MRPS35: variants seen among roughly 807,000 people sequenced by gnomAD.
The protein encoded by MRPS35 is mitochondrial ribosomal protein S35, also known as small ribosomal subunit protein mS35.
MRPS35 carries 29 observed loss-of-function variants against 32.7 expected under a neutral mutation model. The observed-to-expected ratio is 0.89, with a 90% CI of 0.66 to 1.21. The LOEUF is 1.21. Among genes scored for constraint, MRPS35 ranks in the 50% most tolerant of loss-of-function variants. MRPS35 has a pLI of 0.00. For synonymous variants in MRPS35, 148 were observed against 139.3 expected (o/e 1.06, Z -0.44); for missense variants, 373 against 383.8 (o/e 0.97, Z 0.23).
intron 5 of MRPS35, among the ~76,000 whole-genome samples, chr12:27,734,172 C>T (rs192669087): frequency 5.8e-4 from 88 of 151,662 alleles, no homozygotes; most frequent in African/African-American, 1.9e-3. Context: ...ATTCTTAATG[C>T]TCTCCATAGA....
intron 1 of MRPS35, among the ~76,000 whole-genome samples, chr12:27,711,247 C>T (rs949457215): frequency 6.6e-6 from 1 of 152,220 alleles, no homozygotes; most frequent in South Asian, 2.1e-4. Context: ...CAGCCCCTGG[C>T]ACAGGTTACT....
chr12:27,744,662 G>T (rs2061976073), intron 7 of MRPS35, among the ~76,000 whole-genome samples: 1 of 152,144 alleles, frequency 6.6e-6, no homozygotes, highest in Non-Finnish European at 1.5e-5. Context: ...TAAACTTACT[G>T]ATGTTACAGT....
chr12:27,739,307 A>G (rs1203544164), intron 7 of MRPS35, among the ~76,000 whole-genome samples: 2 of 152,226 alleles, frequency 1.3e-5, no homozygotes, highest in Non-Finnish European at 2.9e-5. Flanking sequence ...CAAAAAAAAT[A>G]TACTCCTTGA....
At chr12:27,730,036 T>C (rs2061915703) in intron 5 of MRPS35, among the ~76,000 whole-genome samples, 1 of 152,232 alleles carries the variant, frequency 6.6e-6, no homozygotes, top group African/African-American at 2.4e-5. Flanking sequence ...GTTCCAAGAA[T>C]AGTAGAGAAT....
chr12:27,729,850 A>C (rs1177131907), intron 5 of MRPS35, among the ~76,000 whole-genome samples: 3 of 151,474 alleles, frequency 2.0e-5, no homozygotes, highest in Non-Finnish European at 4.4e-5. Flanking sequence ...TGCACTTCCA[A>C]GTGTCTGCCC....
chr12:27,737,536 T>C lies in MRPS35; in HGVS notation c.633-3T>C, dbSNP rs761623345. ...TTGACTTCTCCCGCTTTCTCTTTAATAGGTGCCCTTTAAGGAGGCAGAATT... is the reference window on the plus strand; with the variant it reads ...TTGACTTCTCCCGCTTTCTCTTTAACAGGTGCCCTTTAAGGAGGCAGAATT... On this transcript the variant is annotated splice_polypyrimidine_tract_variant and splice_region_variant and intron_variant, in intron 6 of 7. Transcript: ENST00000081029. 1 of 1,611,442 alleles carries C rather than the reference T, an allele frequency of 6.2e-7. No homozygotes were observed. Among genetic ancestry groups the C allele is most frequent in the South Asian group, 1.1e-5 (1 of 90,804 alleles).
At chr12:27,724,348 G>T (rs896284864) in intron 5 of MRPS35, among the ~76,000 whole-genome samples, 162 bp downstream of exon 5, 1 of 152,032 alleles carries the variant, frequency 6.6e-6, no homozygotes, top group Non-Finnish European at 1.5e-5. Flanking sequence ...ACGCCAGCCT[G>T]GGCAACATAG....
At position 27,733,022 on chromosome 12, in the gene MRPS35, A is replaced by C. The variant is rs1471073560; in HGVS notation, c.523-2425A>C. Among the ~76,000 whole-genome samples, 13 of 36,634 alleles carry C rather than the reference A, an allele frequency of 3.5e-4. No individual in the cohort carries two copies. The East Asian group carries it at 0.011, about 31-fold the overall frequency. The allele number at this position is 36,634 out of a possible 152,430, so 24.0% of individuals were successfully genotyped here. A position where few individuals can be genotyped will look rare whatever the true frequency, so the allele number is the denominator to read the frequency against. On this transcript the variant is annotated intron_variant, in intron 5 of 7. Transcript: ENST00000081029. ...TATATATATATATATATATATATATATATATATATATATATATATCCAGCA... is the reference window on the plus strand; with the variant it reads ...TATATATATATATATATATATATATCTATATATATATATATATATCCAGCA...
intron 7 of MRPS35, among the ~76,000 whole-genome samples, chr12:27,754,596 A>G (rs931116927): frequency 7.3e-5 from 11 of 151,528 alleles, no homozygotes; most frequent in African/African-American, 1.2e-4. Flanking sequence ...GCAAAACACC[A>G]TCTCTACAAA....
At chr12:27,752,504 C>G (rs2062009657) in intron 7 of MRPS35, among the ~76,000 whole-genome samples, 1 of 152,146 alleles carries the variant, frequency 6.6e-6, no homozygotes, top group Non-Finnish European at 1.5e-5. Context: ...CTCTTAATTG[C>G]CTGTCTTCTA....
intron 7 of MRPS35, among the ~76,000 whole-genome samples, chr12:27,742,325 C>CA (rs2140777711): frequency 6.6e-6 from 1 of 152,298 alleles, no homozygotes; most frequent in East Asian, 1.9e-4. Context: ...TTGCATTCAA[C>CA]AACTATTTAG....
intron 2 of MRPS35, among the ~76,000 whole-genome samples, chr12:27,715,983 C>T (rs1314436192): frequency 1.3e-5 from 2 of 152,130 alleles, no homozygotes; most frequent in Non-Finnish European, 2.9e-5. Context: ...TGTTAATTCA[C>T]CCTTTCATAA....
At chr12:27,723,472 C>T (rs1566048686) in intron 4 of MRPS35, among the ~76,000 whole-genome samples, 1 of 152,120 alleles carries the variant, frequency 6.6e-6, no homozygotes, top group East Asian at 1.9e-4. Context: ...ATAGAAGTCA[C>T]ATAGAAAAAA....
chr12:27,711,037 C>G, intron 1 of MRPS35, 82 bp downstream of exon 1: 1 of 1,345,436 alleles, frequency 7.4e-7, no homozygotes, highest in Non-Finnish European at 1.0e-6. Flanking sequence ...GCCGCGGTGG[C>G]TGAGCCAGCG....
At chr12:27,747,091 C>T (rs1309937656) in intron 7 of MRPS35, among the ~76,000 whole-genome samples, 1 of 152,226 alleles carries the variant, frequency 6.6e-6, no homozygotes, top group Non-Finnish European at 1.5e-5. Context: ...CAATTTGCCA[C>T]CTCATTACCA....
chr12:27,731,453 C>T (rs1182553427), intron 5 of MRPS35, among the ~76,000 whole-genome samples: 1 of 152,182 alleles, frequency 6.6e-6, no homozygotes, highest in Non-Finnish European at 1.5e-5. Flanking sequence ...AGCAAATAAA[C>T]AATCTTTAAT....
chr12:27,727,991 C>A (rs1309237829), intron 5 of MRPS35, among the ~76,000 whole-genome samples: 1 of 151,980 alleles, frequency 6.6e-6, no homozygotes, highest in Admixed American at 6.6e-5. Flanking sequence ...TAAGAATATG[C>A]AGTTTAAAAA....
chr12:27,718,349 C>T lies in MRPS35; in HGVS notation c.322-1459C>T, dbSNP rs536691588. On this transcript the variant is annotated intron_variant, in intron 3 of 7. Coordinates refer to ENST00000081029, the MANE Select transcript of MRPS35 (RefSeq NM_021821.4). ...GACTGAGGCAGGAGAATCACTTGAA[C>T]CCAGGGGGCAGAGGTTGCAGTGAGC... Among the ~76,000 whole-genome samples, 2 of 152,268 alleles carry T rather than the reference C, an allele frequency of 1.3e-5. 1 individual carries two copies. Among genetic ancestry groups the T allele is most frequent in the South Asian group, 4.1e-4 (2 of 4,824 alleles).
At chr12:27,721,967 T>G (rs573285199) in intron 4 of MRPS35, among the ~76,000 whole-genome samples, 16 of 152,274 alleles carry the variant, frequency 1.1e-4, no homozygotes, top group Admixed American at 1.0e-3. Context: ...CGCATGCCTG[T>G]GGTCCCAGCT....
Sources: gnomAD v4.1 joint callset for allele counts (sites outside exome capture counted in the v4.1 genomes callset) on GRCh38, gnomAD v4.1.1 for gene constraint, MANE v1.5 for transcripts, NCBI Gene and HGNC (gene_info 2026-07-23, HGNC 2026-07-21) for gene names.